KHDRBS3: variants seen among roughly 807,000 people sequenced by gnomAD.
KHDRBS3 encodes KH domain-containing, RNA-binding, signal transduction-associated protein 3.
KHDRBS3 carries 23 observed loss-of-function variants against 45.6 expected under a neutral mutation model. The observed-to-expected ratio is 0.50, with a 90% CI of 0.36 to 0.72. The LOEUF (loss-of-function observed/expected upper bound fraction) is 0.72, where lower values mean the gene tolerates loss of function less well. Ranked by LOEUF, KHDRBS3 falls within the 30% of genes least tolerant of loss-of-function variation. The pLI, the probability that KHDRBS3 is intolerant of heterozygous loss-of-function variation, is 0.00. For synonymous variants in KHDRBS3, 162 were observed against 156.5 expected (o/e 1.04, Z -0.26); for missense variants, 352 against 424.8 (o/e 0.83, Z 1.51).
chr8:135,546,184 C>T (rs1203767949), intron 3 of KHDRBS3, among the ~76,000 whole-genome samples: 1 of 151,748 alleles, frequency 6.6e-6, no homozygotes, highest in Non-Finnish European at 1.5e-5. Flanking sequence ...ACTAGTATCC[C>T]ATCTGCTGTA....
At chr8:135,558,092 C>T (rs1353331943) in intron 5 of KHDRBS3, among the ~76,000 whole-genome samples, 1 of 152,004 alleles carries the variant, frequency 6.6e-6, no homozygotes, top group African/African-American at 2.4e-5. Context: ...TTGAGTAAAC[C>T]ATCAGGCTAG....
chr8:135,570,935 A>G (rs1827673039), intron 5 of KHDRBS3, among the ~76,000 whole-genome samples: 1 of 152,216 alleles, frequency 6.6e-6, no homozygotes, highest in Non-Finnish European at 1.5e-5. Flanking sequence ...TGAAGGGGAG[A>G]CAAAAAGCGG....
At position 135,519,002 on chromosome 8, in the gene KHDRBS3, C is replaced by T. The variant is rs112192383; in HGVS notation, c.89-2235C>T. Among the ~76,000 whole-genome samples the T allele has an allele frequency of 1.0e-3, 152 of 152,242 alleles. 1 individual carries two copies. The highest frequency in any genetic ancestry group is 3.0e-3 in the African/African-American group (125 of 41,544). On this transcript the variant is annotated intron_variant, in intron 1 of 8. Transcript: ENST00000355849. ...TATTTCTGTGTATATTTTTCCTTTA[C>T]AGGTTCCACTTAAAATTAATTTTTC...
chr8:135,512,777 CTTG>C (rs777901074), intron 1 of KHDRBS3, among the ~76,000 whole-genome samples: 153 of 152,276 alleles, frequency 1.0e-3, no homozygotes, highest in African/African-American at 2.6e-3. Context: ...AGCTTACCAT[CTTG>C]TTGTTGGGCA....
chr8:135,573,273 C>T (rs1490739456), intron 5 of KHDRBS3, among the ~76,000 whole-genome samples: 1 of 152,170 alleles, frequency 6.6e-6, no homozygotes, highest in Non-Finnish European at 1.5e-5. Context: ...GGCTGCTTCT[C>T]ATAAAATTTA....
chr8:135,647,139 C>T lies in KHDRBS3; in HGVS notation c.*55C>T, dbSNP rs1276604192. On this transcript the variant is annotated 3_prime_UTR_variant, in exon 9 of 9. Coordinates refer to ENST00000355849, the MANE Select transcript of KHDRBS3 (RefSeq NM_006558.3). ...ATCTCCACCAGTCCTGTATACTGTT[C>T]AAAGTAATTTTTTTCTATGAACAAT... 3.9e-6 allele frequency: 3 copies of T among 768,216 alleles called. No individual in the cohort carries two copies. The highest frequency in any genetic ancestry group is 4.2e-6 in the Non-Finnish European group (2 of 476,410). 47.6% of individuals were successfully genotyped at this position (768,216 alleles called of 1,614,324 possible).
chr8:135,585,787 A>G (rs993743737), intron 6 of KHDRBS3, among the ~76,000 whole-genome samples: 2 of 152,192 alleles, frequency 1.3e-5, no homozygotes, highest in Non-Finnish European at 2.9e-5. Context: ...ATCTCTGGCT[A>G]CTAGCTCAGT....
At chr8:135,593,697 C>T (rs188634254) in intron 6 of KHDRBS3, among the ~76,000 whole-genome samples, 17 of 152,282 alleles carry the variant, frequency 1.1e-4, no homozygotes, top group Admixed American at 2.0e-4. Context: ...AGAATGGTCT[C>T]AGACTCCTGG....
At chr8:135,641,444 A>G (rs1333139227) in intron 7 of KHDRBS3, among the ~76,000 whole-genome samples, 5 of 152,218 alleles carry the variant, frequency 3.3e-5, no homozygotes, top group Non-Finnish European at 7.3e-5. Flanking sequence ...AAGAACATCA[A>G]GGTTGTATTT....
At chr8:135,514,032 C>G (rs140598760) in intron 1 of KHDRBS3, among the ~76,000 whole-genome samples, 145 of 152,322 alleles carry the variant, frequency 9.5e-4, no homozygotes, top group African/African-American at 3.3e-3. Flanking sequence ...TTCAGCCGTT[C>G]CTTTAAGTCC....
At chr8:135,575,574 C>A (rs1326918574) in intron 5 of KHDRBS3, among the ~76,000 whole-genome samples, 1 of 152,138 alleles carries the variant, frequency 6.6e-6, no homozygotes, top group East Asian at 1.9e-4. Context: ...AAATCTCAGT[C>A]AGTGCTAATT....
intron 4 of KHDRBS3, among the ~76,000 whole-genome samples, chr8:135,653,703 A>T (rs1158511110): frequency 6.6e-6 from 1 of 152,234 alleles, no homozygotes; most frequent in East Asian, 1.9e-4. Context: ...GAGTATGTTT[A>T]AGGTAGGCTA....
rs1221665107 is a variant in KHDRBS3 at position 135,654,441 on chromosome 8, A to T, written c.*118-1785A>T. 2.0e-5 allele frequency among the ~76,000 whole-genome samples: 3 copies of T among 152,166 alleles called. No individual in the cohort carries two copies. In the East Asian group the frequency reaches 5.8e-4, roughly 29 times the overall value. ...CTAAATGCTACATGTATTCATTATG[A>T]TCTATAAGATTAGCTCCTGTGGCCA... On this transcript the variant is annotated intron_variant and NMD_transcript_variant, in intron 4 of 4. Transcript: ENST00000521461.
intron 1 of KHDRBS3, among the ~76,000 whole-genome samples, chr8:135,518,308 G>A (rs1824726711): frequency 6.6e-6 from 1 of 152,064 alleles, no homozygotes; most frequent in African/African-American, 2.4e-5. Flanking sequence ...CCAGTAGCTG[G>A]ACTACAGGCG....
intron 2 of KHDRBS3, among the ~76,000 whole-genome samples, chr8:135,532,227 G>T (rs1825513112): frequency 6.6e-6 from 1 of 152,118 alleles, no homozygotes. Context: ...TAAGAATGGG[G>T]ATTTATTTAA....
At position 135,481,223 on chromosome 8, in the gene KHDRBS3, G is replaced by GAGATATATATATAT. The variant is rs376347444; in HGVS notation, c.88+23270_88+23271insGATATATATATATA. On this transcript the variant is annotated intron_variant, in intron 1 of 8. Transcript: ENST00000355849. ...TTCTTGTCTGATTCATGAAAGCCAC[G>GAGATATATATATAT]ATATATATATATATATATATATATA... Among the ~76,000 whole-genome samples, 3 of 77,408 alleles carry GAGATATATATATAT rather than the reference G, an allele frequency of 3.9e-5. No individual in the cohort carries two copies. In the South Asian group the frequency reaches 1.5e-3, roughly 38 times the overall value. The allele number at this position is 77,408 out of a possible 152,430, so 50.8% of individuals were successfully genotyped here. A position where few individuals can be genotyped will look rare whatever the true frequency, so the allele number is the denominator to read the frequency against.
At chr8:135,531,625 T>TG (rs1825483169) in intron 2 of KHDRBS3, among the ~76,000 whole-genome samples, 2 of 152,140 alleles carry the variant, frequency 1.3e-5, no homozygotes, top group Admixed American at 1.3e-4. Flanking sequence ...AAGATTGAAT[T>TG]AATATTACAA....
At chr8:135,514,726 G>A (rs1398067057) in intron 1 of KHDRBS3, among the ~76,000 whole-genome samples, 1 of 152,136 alleles carries the variant, frequency 6.6e-6, no homozygotes, top group African/African-American at 2.4e-5. Flanking sequence ...AAAATAAAAG[G>A]TATGGGCTTG....
chr8:135,653,791 A>G (rs1300214465), intron 4 of KHDRBS3, among the ~76,000 whole-genome samples: 1 of 152,242 alleles, frequency 6.6e-6, no homozygotes, highest in Non-Finnish European at 1.5e-5. Context: ...CAGTGGGTTT[A>G]TGAGGACATA....
Sources: allele counts gnomAD v4.1 joint callset (sites outside exome capture counted in the v4.1 genomes callset), GRCh38; gene constraint gnomAD v4.1.1; transcripts MANE v1.5; gene names NCBI Gene and HGNC (gene_info 2026-07-23, HGNC 2026-07-21).